SMURF1: variants seen among roughly 807,000 people sequenced by gnomAD.
The protein encoded by SMURF1 is SMAD specific E3 ubiquitin protein ligase 1.
In SMURF1, 44 loss-of-function variants were observed where a neutral mutation model predicts 98.0. That is an observed-to-expected ratio of 0.45 (90% CI 0.35 to 0.58). The LOEUF is 0.58. Ranked by LOEUF, SMURF1 falls within the 20% of genes least tolerant of loss-of-function variation. SMURF1 has a pLI of 0.00. For synonymous variants in SMURF1, 396 were observed against 374.9 expected (o/e 1.06, Z -0.65); for missense variants, 687 against 938.4 (o/e 0.73, Z 3.50).
chr7:99,107,996 G>A (rs1259194883), intron 1 of SMURF1, among the ~76,000 whole-genome samples: 1 of 152,138 alleles, frequency 6.6e-6, no homozygotes, highest in Non-Finnish European at 1.5e-5. Flanking sequence ...CCTTTCAAAA[G>A]TCATTCTTCT....
At chr7:99,042,829 T>C (rs1795439439) in intron 11 of SMURF1, among the ~76,000 whole-genome samples, 1 of 152,218 alleles carries the variant, frequency 6.6e-6, no homozygotes, top group Admixed American at 6.5e-5. Flanking sequence ...AATTTTATTC[T>C]GGAATTTCTT....
At chr7:99,099,379 C>G (rs907005392) in intron 1 of SMURF1, among the ~76,000 whole-genome samples, 3 of 152,012 alleles carry the variant, frequency 2.0e-5, no homozygotes, top group African/African-American at 7.3e-5. Context: ...AACACAGGGT[C>G]TAACACATAA....
intron 10 of SMURF1, among the ~76,000 whole-genome samples, chr7:99,046,731 CA>C (rs56788889): frequency 0.028 from 2,112 of 74,614 alleles, 8 homozygotes; most frequent in African/African-American, 0.045. Flanking sequence ...GACTCCGTCT[CA>C]AAAAAAAAAA....
At chr7:99,053,835 T>C (rs530286991) in intron 6 of SMURF1, among the ~76,000 whole-genome samples, 2 of 152,312 alleles carry the variant, frequency 1.3e-5, no homozygotes, top group East Asian at 3.9e-4. Flanking sequence ...TTCGGCAGTT[T>C]GTTGTATTTT....
chr7:99,049,272 G>C (rs1475565192), intron 9 of SMURF1: 1 of 361,646 alleles, frequency 2.8e-6, no homozygotes, highest in African/African-American at 2.1e-5. Context: ...TGTCTCATGA[G>C]AGCGCTGCGT....
At chr7:99,067,672 T>A (rs1397544133) in intron 1 of SMURF1, among the ~76,000 whole-genome samples, 2 of 151,924 alleles carry the variant, frequency 1.3e-5, no homozygotes, top group Non-Finnish European at 2.9e-5. Context: ...GTACTTGAGG[T>A]CGGGCGCAGT....
intron 1 of SMURF1, among the ~76,000 whole-genome samples, chr7:99,080,015 A>T (rs958384444): frequency 6.6e-6 from 1 of 152,070 alleles, no homozygotes; most frequent in African/African-American, 2.4e-5. Flanking sequence ...AAAAAGAACA[A>T]ACCTTTTTAA....
intron 1 of SMURF1, among the ~76,000 whole-genome samples, chr7:99,078,244 T>C (rs112119008): frequency 1.3e-5 from 2 of 151,122 alleles, no homozygotes; most frequent in East Asian, 2.0e-4. Flanking sequence ...AGAGGTTGCG[T>C]TGAGCTGAGA....
chr7:99,119,419 T>G (rs1797544155), intron 1 of SMURF1, among the ~76,000 whole-genome samples: 1 of 152,162 alleles, frequency 6.6e-6, no homozygotes, highest in African/African-American at 2.4e-5. Flanking sequence ...GGCCATTATA[T>G]AATGAAAATA....
At chr7:99,040,694 C>G (rs1795342543) in intron 12 of SMURF1, 138 bp from the exon 13 acceptor site, 2 of 735,392 alleles carry the variant, frequency 2.7e-6, no homozygotes, top group Middle Eastern at 4.4e-4. Context: ...ACAGGCCCCG[C>G]TCCTGAACAA....
At chr7:99,098,879 G>A (rs1584177042) in intron 1 of SMURF1, among the ~76,000 whole-genome samples, 2 of 152,040 alleles carry the variant, frequency 1.3e-5, no homozygotes, top group African/African-American at 4.8e-5. Flanking sequence ...TTTAATAAGC[G>A]CTTTGTGCCA....
At chr7:99,060,412 A>G (rs1182492077) in intron 3 of SMURF1, among the ~76,000 whole-genome samples, 187 bp downstream of exon 3, 2 of 151,850 alleles carry the variant, frequency 1.3e-5, no homozygotes, top group African/African-American at 2.4e-5. Flanking sequence ...AAAGAAAGTA[A>G]CAAAATGCAA....
intron 1 of SMURF1, among the ~76,000 whole-genome samples, chr7:99,121,579 C>G (rs534187235): frequency 6.6e-6 from 1 of 152,210 alleles, no homozygotes; most frequent in Non-Finnish European, 1.5e-5. Flanking sequence ...CTGGGAAACA[C>G]TCCCAGATCC....
chr7:99,121,695 G>A (rs554823262), intron 1 of SMURF1, among the ~76,000 whole-genome samples: 5 of 152,192 alleles, frequency 3.3e-5, no homozygotes, highest in Non-Finnish European at 5.9e-5. Flanking sequence ...CCTTTCCCAA[G>A]AGGTCTCTTT....
At chr7:99,033,161 C>T in intron 16 of SMURF1, 40 bp from the exon 17 acceptor site, 4 of 1,546,084 alleles carry the variant, frequency 2.6e-6, no homozygotes, top group Non-Finnish European at 3.5e-6. Context: ...TTCAGAGTTA[C>T]AGCCGTGGCG....
intron 1 of SMURF1, among the ~76,000 whole-genome samples, chr7:99,074,442 T>C (rs1325141244): frequency 6.6e-6 from 1 of 152,156 alleles, no homozygotes; most frequent in African/African-American, 2.4e-5. Flanking sequence ...AAGATAGCCT[T>C]GTCTAGACTG....
At chr7:99,049,763 G>A (rs890362832) in intron 8 of SMURF1, 54 bp from the exon 9 acceptor site, 6 of 1,553,404 alleles carry the variant, frequency 3.9e-6, no homozygotes, top group Non-Finnish European at 5.2e-6. Flanking sequence ...GGAGGAATGA[G>A]ACCAAAAGTC....
chr7:99,122,197 G>A (rs753776914), intron 1 of SMURF1, among the ~76,000 whole-genome samples: 2 of 151,760 alleles, frequency 1.3e-5, no homozygotes, highest in South Asian at 4.2e-4. Flanking sequence ...GCATGGTGGC[G>A]CATGCCTGTG....
At chr7:99,063,244 T>C (rs55675297) in intron 1 of SMURF1, among the ~76,000 whole-genome samples, 2 of 14,520 alleles carry the variant, frequency 1.4e-4, no homozygotes, top group Non-Finnish European at 2.5e-4. Flanking sequence ...GATTTATTTA[T>C]ATATATATAT....
Sources: allele counts gnomAD v4.1 joint callset (sites outside exome capture counted in the v4.1 genomes callset), GRCh38; gene constraint gnomAD v4.1.1; transcripts MANE v1.5; gene names NCBI Gene and HGNC (gene_info 2026-07-23, HGNC 2026-07-21).